The following RGSL1 variants were observed in gnomAD, a reference collection of about 807,000 sequenced individuals.
RGSL1 encodes the protein regulator of G protein signaling like 1.
Under a neutral mutation model 124.7 loss-of-function variants are expected in RGSL1, and 97 were observed. The ratio of observed to expected loss-of-function variants is 0.78; its 90% confidence interval spans 0.66 to 0.92. The LOEUF (loss-of-function observed/expected upper bound fraction) is 0.92, where lower values mean the gene tolerates loss of function less well. Ranked by LOEUF, RGSL1 falls within the 40% of genes least tolerant of loss-of-function variation. The pLI, the probability that RGSL1 is intolerant of heterozygous loss-of-function variation, is 0.00. For synonymous variants in RGSL1, 424 were observed against 438.1 expected (o/e 0.97, Z 0.40); for missense variants, 1,233 against 1,288.4 (o/e 0.96, Z 0.66).
chr1:182,464,076 G>A (rs1653072929), intron 4 of RGSL1, among the ~76,000 whole-genome samples: 1 of 152,126 alleles, frequency 6.6e-6, no homozygotes, highest in Non-Finnish European at 1.5e-5. Flanking sequence ...TCACAAAATT[G>A]TGGAAATTAA....
intron 6 of RGSL1, among the ~76,000 whole-genome samples, chr1:182,485,334 C>A (rs1655019381): frequency 6.6e-6 from 1 of 152,080 alleles, no homozygotes; most frequent in African/African-American, 2.4e-5. Flanking sequence ...GTACACTTTC[C>A]TTTTGTTATT....
At chr1:182,508,187 A>G (rs1656969630) in intron 9 of RGSL1, among the ~76,000 whole-genome samples, 1 of 151,280 alleles carries the variant, frequency 6.6e-6, no homozygotes, top group African/African-American at 2.4e-5. Flanking sequence ...CCTCACCAGC[A>G]TCGTTTATTC....
chr1:182,553,574 G>A, intron 19 of RGSL1, 33 bp downstream of exon 19: 2 of 1,534,762 alleles, frequency 1.3e-6, no homozygotes, highest in Non-Finnish European at 1.8e-6. Context: ...CTGATAGTTT[G>A]CTACTCAATC....
chr1:182,489,176 A>C lies in RGSL1; in HGVS notation c.1691A>C (p.Glu564Ala). 2.6e-6 allele frequency: 4 copies of C among 1,551,752 alleles called. No homozygotes were observed. The highest frequency in any genetic ancestry group is 3.5e-6 in the Non-Finnish European group (4 of 1,146,994). ...AAGCAAGGAGGCTCTCTCCAGGTAG[A>C]GCTGACATCTCCAGTGTTTCTAACA... ...DLKQGGSLQVELTSPVFLTDI... is the reference protein window; with the variant it reads ...DLKQGGSLQVALTSPVFLTDI... The change falls in exon 8 of 22, where the codon GAG (glutamate) becomes GCG (alanine). Residue 564 changes from glutamate (E) to alanine (A), a missense_variant. By Grantham distance (107) the Glu-to-Ala change is moderately radical. Coordinates refer to ENST00000294854, the MANE Select transcript of RGSL1 (RefSeq NM_001137669.2).
intron 9 of RGSL1, among the ~76,000 whole-genome samples, chr1:182,513,941 G>A (rs908075513): frequency 7.0e-6 from 1 of 143,310 alleles, no homozygotes; most frequent in East Asian, 2.0e-4. Context: ...TTGCTCAGAT[G>A]AGAGTGCAAT....
chr1:182,490,612 C>G (rs991718549), intron 8 of RGSL1, among the ~76,000 whole-genome samples: 4 of 152,116 alleles, frequency 2.6e-5, no homozygotes, highest in African/African-American at 7.2e-5. Flanking sequence ...GGAATCAAGA[C>G]CAAAGTAGAT....
chr1:182,559,582 A>G (rs1017441573), intron 21 of RGSL1, among the ~76,000 whole-genome samples: 3 of 152,096 alleles, frequency 2.0e-5, no homozygotes, highest in African/African-American at 7.2e-5. Context: ...AACAAATCTG[A>G]CCTGCTCATT....
At chr1:182,453,384 A>G (rs1464477343) in intron 1 of RGSL1, 1 of 152,582 alleles carries the variant, frequency 6.6e-6, no homozygotes, top group African/African-American at 2.4e-5. Flanking sequence ...GCCCCATTAC[A>G]CTAACATCAG....
chr1:182,485,817 GA>G (rs112382718), intron 6 of RGSL1, among the ~76,000 whole-genome samples: 1 of 151,970 alleles, frequency 6.6e-6, no homozygotes, highest in Non-Finnish European at 1.5e-5. Context: ...TTATAGTAGG[GA>G]AAAAAATCAA....
intron 15 of RGSL1, among the ~76,000 whole-genome samples, chr1:182,547,930 A>T (rs1410475763): frequency 4.6e-5 from 7 of 152,212 alleles, no homozygotes; most frequent in African/African-American, 1.7e-4. Flanking sequence ...CATTGCCTAA[A>T]GTGCTCTACA....
rs903660407 is a variant in RGSL1, at chr1:182,527,742, A to G, written c.2095A>G (p.Lys699Glu). 6.4e-7 allele frequency: 1 copy of G among 1,550,786 alleles called. No homozygotes were observed. Among genetic ancestry groups the G allele is most frequent in the Non-Finnish European group, 8.7e-7 (1 of 1,146,588 alleles). The stretch of plus-strand genomic sequence containing the variant: ...CAAGTCTCTCATAGAAAATGTAATC[A>G]AGACTTTCTTCCAAGGCCAACTCTC... Reference protein sequence around the residue: ...ICKSLIENVIKTFFQGQLSPE... With the variant: ...ICKSLIENVIETFFQGQLSPE... Residue 699 changes from lysine (K) to glutamate (E), a missense_variant, in exon 11 of 22, where the codon AAG (lysine) becomes GAG (glutamate). Physicochemically the swap from Lys to Glu is moderately conservative, Grantham distance 56. Coordinates refer to ENST00000294854, the MANE Select transcript of RGSL1 (RefSeq NM_001137669.2).
chr1:182,502,977 A>G (rs1052704180), intron 9 of RGSL1, among the ~76,000 whole-genome samples: 7 of 152,196 alleles, frequency 4.6e-5, no homozygotes, highest in African/African-American at 1.7e-4. Flanking sequence ...CCCAGTTAAA[A>G]TGGCTTATAT....
intron 9 of RGSL1, among the ~76,000 whole-genome samples, chr1:182,496,095 G>C (rs1222446837): frequency 6.6e-6 from 1 of 152,070 alleles, no homozygotes; most frequent in African/African-American, 2.4e-5. Flanking sequence ...CATCTGCTTG[G>C]CTTCTGGGGA....
At chr1:182,450,038 T>A, upstream of RGSL1, 6 of 1,078,616 alleles carry the variant, frequency 5.6e-6, no homozygotes, top group Non-Finnish European at 5.6e-6. Flanking sequence ...GGTAAGTAGA[T>A]CACTGCCAGA....
intron 8 of RGSL1, among the ~76,000 whole-genome samples, chr1:182,492,789 C>T (rs1486595476): frequency 1.3e-5 from 2 of 151,942 alleles, no homozygotes; most frequent in Admixed American, 6.6e-5. Context: ...CCACCATACC[C>T]GGCTAATTTT....
intron 9 of RGSL1, among the ~76,000 whole-genome samples, chr1:182,520,462 G>C (rs1199675532): frequency 1.3e-5 from 2 of 152,116 alleles, no homozygotes; most frequent in East Asian, 3.9e-4. Context: ...ATTTTCTAAA[G>C]ACCTATGGCT....
intron 11 of RGSL1, among the ~76,000 whole-genome samples, chr1:182,529,059 C>T (rs1182435688): frequency 1.3e-5 from 2 of 152,152 alleles, no homozygotes; most frequent in Non-Finnish European, 2.9e-5. Context: ...TGGTCCTGCC[C>T]TTGACACATG....
At chr1:182,484,386 A>G (rs1654933565) in intron 6 of RGSL1, among the ~76,000 whole-genome samples, 3 of 152,082 alleles carry the variant, frequency 2.0e-5, no homozygotes, top group African/African-American at 7.2e-5. Context: ...GGTGTATGTG[A>G]CCGCTCTTCT....
At chr1:182,459,126 C>T (rs1290803159) in intron 3 of RGSL1, among the ~76,000 whole-genome samples, 1 of 152,144 alleles carries the variant, frequency 6.6e-6, no homozygotes, top group Admixed American at 6.5e-5. Flanking sequence ...CCATGGGCCA[C>T]ATAATTATTG....
Sources: gnomAD v4.1 joint callset for allele counts (sites outside exome capture counted in the v4.1 genomes callset) on GRCh38, gnomAD v4.1.1 for gene constraint, MANE v1.5 for transcripts, NCBI Gene and HGNC (gene_info 2026-07-23, HGNC 2026-07-21) for gene names.